PSG8: variants seen among roughly 807,000 people sequenced by gnomAD.
PSG8 encodes the protein pregnancy specific beta-1-glycoprotein 8.
Under a neutral mutation model 42.5 loss-of-function variants are expected in PSG8, and 57 were observed. The ratio of observed to expected loss-of-function variants is 1.34; its 90% CI spans 1.08 to 1.67. The LOEUF is 1.67. PSG8 is among the 40% of genes most tolerant of loss of function. PSG8 has a pLI of 0.00. For missense variants in PSG8, 783 were observed against 518.6 expected, an observed-to-expected ratio of 1.51 and a Z score of -4.95; for synonymous variants, 280 against 196.8, an observed-to-expected ratio of 1.42 and a Z score of -3.54.
intron 2 of PSG8, among the ~76,000 whole-genome samples, chr19:42,762,430 G>A (rs987279726): frequency 5.3e-5 from 8 of 152,078 alleles, no homozygotes; most frequent in East Asian, 1.9e-4. Context: ...TGAAACATGG[G>A]TGTCAGCCTC....
chr19:42,755,217 C>T lies in PSG8; in HGVS notation c.759G>A (p.Glu253=). 6.2e-7 allele frequency: 1 copy of T among 1,612,062 alleles called. No individual in the cohort carries two copies. Among genetic ancestry groups the T allele is most frequent in the Non-Finnish European group, 8.5e-7 (1 of 1,179,792 alleles). ...YITINNLKPR[E]NKDVLNFTCE... ...AGGTGAAGTTTAAGACATCCTTATT[C>T]TCCCTGGGTTTTAAGTTGTTGATGG... is the stretch of plus-strand genomic sequence containing the variant. Residue 253 remains glutamate (E), a synonymous_variant, in exon 4 of 5, where the codon GAG becomes GAA. Transcript: ENST00000306511.
intron 2 of PSG8, chr19:42,758,567 G>T: frequency 1.8e-6 from 1 of 559,472 alleles, no homozygotes; most frequent in Non-Finnish European, 2.9e-6. Flanking sequence ...TTGCCTCTCT[G>T]AGTCCCTCCG....
At chr19:42,759,550 A>T (rs1403275727) in intron 2 of PSG8, among the ~76,000 whole-genome samples, 1 of 152,198 alleles carries the variant, frequency 6.6e-6, no homozygotes. Flanking sequence ...TTTAAAATGC[A>T]CAATGCGCCA....
chr19:42,763,032 A>G (rs945822317), intron 2 of PSG8, among the ~76,000 whole-genome samples: 3 of 152,172 alleles, frequency 2.0e-5, no homozygotes, highest in African/African-American at 7.2e-5. Context: ...GCTAAATGGC[A>G]AATGGACAGT....
downstream of PSG8, chr19:42,752,808 T>C (rs969683847): frequency 7.4e-5 from 14 of 189,732 alleles, no homozygotes; most frequent in African/African-American, 2.3e-4. Context: ...GGGGACTCTA[T>C]TATAATTTCA....
In PSG8 at chr19:42,755,052, A is replaced by G. The variant is rs774953276; in HGVS notation, c.924T>C (p.Tyr308=). The G allele has an allele frequency of 3.1e-6, 5 of 1,612,856 alleles. No homozygotes were observed. Among genetic ancestry groups the G allele is most frequent in the Admixed American group, 1.7e-5 (1 of 59,986 alleles). The change falls in exon 4 of 5, where the codon TAT becomes TAC. Residue 308 remains tyrosine (Y), a synonymous_variant. Transcript: ENST00000306511. ...CATATTGGTCCCTTATTTCACATTG[A>G]TAGGGTCCTGTTTCATTTCTCGTGA... ...PSVTRNETGP[Y]QCEIRDQYGG... is the part of the protein sequence containing the mutation.
In PSG8 at chr19:42,764,126, C is replaced by G. The variant is rs1970151392; in HGVS notation, c.220G>C (p.Asp74His). 6.2e-7 allele frequency: 1 copy of G among 1,613,672 alleles called. No individual in the cohort carries two copies. Among genetic ancestry groups the G allele is most frequent in the African/African-American group, 1.3e-5 (1 of 74,858 alleles). ...GYIWYKGQIR[D>H]LYHYITSYVV... is the part of the protein sequence containing the mutation. ...TATGATGTAATGTAATGGTAGAGGT[C>G]CCTGATTTGCCCTTTGTACCAGATG... Residue 74 changes from aspartate (D) to histidine (H), a missense_variant, in exon 2 of 5, where the codon GAC (aspartate) becomes CAC (histidine). Asp to His is a moderately conservative substitution (Grantham distance 81). Coordinates refer to ENST00000306511, the MANE Select transcript of PSG8 (RefSeq NM_182707.3).
At position 42,755,415 on chromosome 19, in the gene PSG8, A is replaced by G. The variant is rs968634799; in HGVS notation, c.710-149T>C. The stretch of plus-strand genomic sequence containing the variant: ...GGTGCGTGTGTCACAAGACAGATGC[A>G]TGATGATCTAAGGGCTCAAAGACTA... On this transcript the variant is annotated intron_variant, in intron 3 of 4. Transcript: ENST00000306511. 2.1e-5 allele frequency: 30 copies of G among 1,426,508 alleles called. No individual in the cohort carries two copies. The African/African-American group carries it at 3.4e-4, about 16-fold the overall frequency. 88.4% of individuals were successfully genotyped at this position (1,426,508 alleles called of 1,614,324 possible). A position where few individuals can be genotyped will look rare whatever the true frequency, so the allele number is the denominator to read the frequency against.
At chr19:42,762,192 C>A (rs10403917) in intron 2 of PSG8, among the ~76,000 whole-genome samples, 3,467 of 150,420 alleles carry the variant, frequency 0.023, 63 homozygotes, top group African/African-American at 0.082. Flanking sequence ...ACAGGGCTTG[C>A]CAGTCAGAAT....
rs58868359 is a variant in PSG8, at chr19:42,761,820, A to ATTTTTTTTTTTTTTTTTTTTT, written c.430+2075_430+2095dup. 4.0e-4 allele frequency among the ~76,000 whole-genome samples: 28 copies of ATTTTTTTTTTTTTTTTTTTTT among 70,398 alleles called. 3 individuals carry two copies. Among genetic ancestry groups the ATTTTTTTTTTTTTTTTTTTTT allele is most frequent in the South Asian group, 6.9e-4 (1 of 1,458 alleles). The allele number at this position is 70,398 out of a possible 152,430, so 46.2% of individuals were successfully genotyped here. On this transcript the variant is annotated intron_variant, in intron 2 of 4. Transcript: ENST00000306511. ...TTGACTAGAAACCAACATTTCAATA[A>ATTTTTTTTTTTTTTTTTTTTT]TTTTTTTTTTTTTTTTTTTTTTTTT...
At chr19:42,757,173 A>G (rs1267859374) in intron 3 of PSG8, among the ~76,000 whole-genome samples, 1 of 152,042 alleles carries the variant, frequency 6.6e-6, no homozygotes, top group Non-Finnish European at 1.5e-5. Flanking sequence ...AATGATCTAG[A>G]AAGAGTGAAG....
At chr19:42,755,417 G>T in intron 3 of PSG8, 151 bp from the exon 4 acceptor site, 1 of 1,414,436 alleles carries the variant, frequency 7.1e-7, no homozygotes, top group Non-Finnish European at 9.5e-7. Flanking sequence ...ACAGATGCAT[G>T]ATGATCTAAG....
intron 2 of PSG8, among the ~76,000 whole-genome samples, chr19:42,762,789 T>C (rs746091295): frequency 5.9e-5 from 9 of 152,238 alleles, no homozygotes; most frequent in Non-Finnish European, 8.8e-5. Flanking sequence ...GACTAATCAG[T>C]TGACCATTTT....
downstream of PSG8, chr19:42,753,248 A>G (rs1321063428): frequency 1.3e-6 from 1 of 778,360 alleles, no homozygotes; most frequent in South Asian, 1.3e-5. Flanking sequence ...GGGTTTTCCC[A>G]TGAAATTTAC....
chr19:42,764,353 C>A lies in PSG8; in HGVS notation c.65-72G>T, dbSNP rs1970161140. Reference sequence around the variant, plus strand: ...GTGTGAAAACATGGGGCCCTGGGTCCTGAGAAGTTCTCTTCAGTCCTCAGC... The same window carrying A: ...GTGTGAAAACATGGGGCCCTGGGTCATGAGAAGTTCTCTTCAGTCCTCAGC... On this transcript the variant is annotated intron_variant, in intron 1 of 4. Transcript: ENST00000306511. 3.9e-6 allele frequency: 6 copies of A among 1,547,538 alleles called. No individual in the cohort carries two copies. In the Admixed American group the frequency reaches 8.0e-5, roughly 21 times the overall value.
intron 3 of PSG8, among the ~76,000 whole-genome samples, chr19:42,756,667 G>C (rs1039507840): frequency 6.6e-6 from 1 of 151,820 alleles, no homozygotes. Flanking sequence ...ATTAGTTTTC[G>C]GTGAATTCCA....
At position 42,765,594 on chromosome 19, in the gene PSG8, C is replaced by A. The variant is rs747988704; in HGVS notation, c.-13G>T. On this transcript the variant is annotated 5_prime_UTR_variant, in exon 1 of 5. Coordinates refer to ENST00000306511, the MANE Select transcript of PSG8 (RefSeq NM_182707.3). The stretch of plus-strand genomic sequence containing the variant: ...AGAGGAGCCCCATGGTCTCTGCTGT[C>A]TGTGTGTTCTCCTCTGTGGAGATGA... 41 of 1,609,748 alleles carry A rather than the reference C, an allele frequency of 2.5e-5. No homozygotes were observed. Among genetic ancestry groups the A allele is most frequent in the Admixed American group, 2.5e-4 (15 of 59,884 alleles).
chr19:42,760,883 G>C lies in PSG8; in HGVS notation c.431-2603C>G, dbSNP rs187952941. On this transcript the variant is annotated intron_variant, in intron 2 of 4. Coordinates refer to ENST00000306511, the MANE Select transcript of PSG8 (RefSeq NM_182707.3). ...TGAGCCACTGTGCCCAGCCATCTCT[G>C]AGGGAGTTTAACGAGTTGTTGACTT... Among the ~76,000 whole-genome samples, 635 of 152,262 alleles carry C rather than the reference G, an allele frequency of 4.2e-3. 6 individuals carry two copies. The highest frequency in any genetic ancestry group is 5.6e-3 in the Non-Finnish European group (382 of 68,006).
In PSG8 at chr19:42,765,633, A is replaced by G. The variant is rs1253904702; in HGVS notation, c.-52T>C. On this transcript the variant is annotated 5_prime_UTR_variant, in exon 1 of 5. Transcript: ENST00000306511. Reference sequence around the variant, plus strand: ...CTGTGGAGATGAGCCTAGGATCCAGAAGCTTCCTGAGCACAGCTCTCAGCA... The same window carrying G: ...CTGTGGAGATGAGCCTAGGATCCAGGAGCTTCCTGAGCACAGCTCTCAGCA... 1.9e-6 allele frequency: 3 copies of G among 1,597,310 alleles called. No homozygotes were observed. The highest frequency in any genetic ancestry group is 2.6e-6 in the Non-Finnish European group (3 of 1,168,844).
Sources: gnomAD v4.1 joint callset for allele counts (sites outside exome capture counted in the v4.1 genomes callset) on GRCh38, gnomAD v4.1.1 for gene constraint, MANE v1.5 for transcripts, NCBI Gene and HGNC (gene_info 2026-07-23, HGNC 2026-07-21) for gene names.